Variants in POU3F3 observed in about 807,000 individuals in gnomAD.
POU3F3 encodes the protein POU domain, class 3, transcription factor 3.
Under a neutral mutation model 8.6 loss-of-function variants are expected in POU3F3, and 1 was observed. The observed-to-expected ratio is 0.12, with a 90% CI of 0.04 to 0.55. The LOEUF is 0.55. Ranked by LOEUF, POU3F3 falls within the 20% of genes least tolerant of loss-of-function variation. The probability of loss-of-function intolerance (pLI) is 0.91; values close to 1 mark genes in which losing one functional copy is unlikely to be tolerated. For missense variants in POU3F3, 577 were observed against 690.7 expected (o/e 0.84, Z 1.84); for synonymous variants, 418 against 327.4 (o/e 1.28, Z -2.99).
At chr2:104,915,852 C>A in the POU3F3 span, among the ~76,000 whole-genome samples, 4 of 151,984 alleles carry the variant, frequency 2.6e-5, no homozygotes, top group Non-Finnish European at 5.9e-5. Context: ...TAACTCATCA[C>A]CCCTGAGGTA....
the POU3F3 span, among the ~76,000 whole-genome samples, chr2:104,879,448 G>A: frequency 4.6e-5 from 7 of 151,954 alleles, no homozygotes; most frequent in East Asian, 1.4e-3. Flanking sequence ...TATTTTCTTT[G>A]TACTTATTTT....
downstream of POU3F3, among the ~76,000 whole-genome samples, chr2:104,860,752 CTTTTTTT>C (rs1178339577): frequency 8.0e-5 from 4 of 50,244 alleles, no homozygotes; most frequent in Non-Finnish European, 1.4e-4. Context: ...GTTGCTCTGC[CTTTTTTT>C]TTTTTTTTTT....
At chr2:104,905,594 A>G in the POU3F3 span, among the ~76,000 whole-genome samples, 1 of 152,204 alleles carries the variant, frequency 6.6e-6, no homozygotes, top group Non-Finnish European at 1.5e-5. Context: ...AGAAGTTCAA[A>G]ATCAAGGTGT....
the POU3F3 span, among the ~76,000 whole-genome samples, chr2:104,869,528 T>C: frequency 2.6e-5 from 4 of 152,146 alleles, no homozygotes; most frequent in African/African-American, 9.7e-5. Context: ...AGGAGACAAA[T>C]AGCTTCTGGT....
At chr2:104,853,763 C>T (rs1254871691), upstream of POU3F3, 1 of 152,252 alleles carries the variant, frequency 6.6e-6, no homozygotes, top group Non-Finnish European at 1.5e-5. Flanking sequence ...CCTTTCTTCC[C>T]CCCGCCCAGA....
chr2:104,861,135 A>C (rs1270876239), downstream of POU3F3, among the ~76,000 whole-genome samples: 45 of 152,344 alleles, frequency 3.0e-4, no homozygotes, highest in Non-Finnish European at 7.3e-5. Flanking sequence ...TAAATCAAAA[A>C]TGATACTTTT....
the POU3F3 span, among the ~76,000 whole-genome samples, chr2:104,896,549 T>C: frequency 1.3e-5 from 2 of 152,246 alleles, no homozygotes; most frequent in African/African-American, 4.8e-5. Flanking sequence ...TAAGTAGGTT[T>C]TTAAAATCCC....
Position 104,855,758 on chromosome 2 carries a change from C to G in POU3F3, c.248C>G (p.Ala83Gly). 1 of 1,325,118 alleles carries G rather than the reference C, an allele frequency of 7.5e-7. No homozygotes were observed. Among genetic ancestry groups the G allele is most frequent in the Middle Eastern group, 2.4e-4 (1 of 4,226 alleles). 82.1% of individuals were successfully genotyped at this position (1,325,118 alleles called of 1,614,324 possible). The change falls in exon 1 of 1, where the codon GCC (alanine) becomes GGC (glycine). Residue 83 changes from alanine to glycine, a missense_variant. Around this residue, in one of 7 missense-constraint regions of POU3F3, gnomAD observed 484 missense variants for 422.6 expected, o/e 1.15. Coordinates refer to ENST00000361360, the MANE Select transcript of POU3F3 (RefSeq NM_006236.3). ...AGCGACTTCATGCAGGGGGCCATGG[C>G]CGCCAGCAACGGCGGCCATATGCTG... is the stretch of plus-strand genomic sequence containing the variant. ...VQSDFMQGAM[A>G]ASNGGHMLSH... is the part of the protein sequence containing the mutation.
At position 104,855,420 on chromosome 2, in the gene POU3F3, CGCGGCGGCGGCG is replaced by C. The variant is rs1184145745; in HGVS notation, c.-76_-65del. 3.8e-5 allele frequency: 19 copies of C among 495,602 alleles called. No individual in the cohort carries two copies. Among genetic ancestry groups the C allele is most frequent in the African/African-American group, 7.1e-5 (2 of 28,150 alleles). The allele number at this position is 495,602 out of a possible 1,614,324, so 30.7% of individuals were successfully genotyped here. A position where few individuals can be genotyped will look rare whatever the true frequency, so the allele number is the denominator to read the frequency against. ...GGGGGAGGAGGCGGGAGGCGGGGGG[CGCGGCGGCGGCG>C]GCGGCGGCGGCGGCCGCGGCTGCTG... is the stretch of plus-strand genomic sequence containing the variant. On this transcript the variant is annotated 5_prime_UTR_variant, in exon 1 of 1. Transcript: ENST00000361360.
the POU3F3 span, among the ~76,000 whole-genome samples, chr2:104,909,812 G>A: frequency 6.6e-6 from 1 of 152,122 alleles, no homozygotes; most frequent in Non-Finnish European, 1.5e-5. Flanking sequence ...CATTAATAAG[G>A]GGGAAAAAGC....
chr2:104,859,195 C>T (rs956777012), downstream of POU3F3, among the ~76,000 whole-genome samples: 11 of 152,142 alleles, frequency 7.2e-5, no homozygotes, highest in African/African-American at 2.7e-4. Flanking sequence ...GTCCACACTG[C>T]ATACCATCTG....
the POU3F3 span, among the ~76,000 whole-genome samples, chr2:104,879,176 T>C: frequency 6.6e-6 from 1 of 151,766 alleles, no homozygotes. Context: ...ACACAACACA[T>C]GCATACAACG....
chr2:104,918,891 T>TC, the POU3F3 span, among the ~76,000 whole-genome samples: 1 of 151,650 alleles, frequency 6.6e-6, no homozygotes, highest in East Asian at 1.9e-4. Flanking sequence ...TTTTTTTTTT[T>TC]TTTTGAGATG....
the POU3F3 span, among the ~76,000 whole-genome samples, chr2:104,870,501 T>C: frequency 1.3e-5 from 2 of 152,242 alleles, no homozygotes; most frequent in Non-Finnish European, 2.9e-5. Flanking sequence ...TGTAGGCTTC[T>C]ACCTAGGAGG....
chr2:104,868,429 A>C, the POU3F3 span: 1 of 448,252 alleles, frequency 2.2e-6, no homozygotes, highest in Non-Finnish European at 4.5e-6. Context: ...AAATATAGTC[A>C]GTGACTGTTC....
chr2:104,900,058 A>C, the POU3F3 span, among the ~76,000 whole-genome samples: 37 of 152,352 alleles, frequency 2.4e-4, no homozygotes, highest in Admixed American at 2.3e-3. Flanking sequence ...GATGTCAGAT[A>C]GTTTGTCTAC....
chr2:104,901,541 T>A, the POU3F3 span, among the ~76,000 whole-genome samples: 9 of 152,206 alleles, frequency 5.9e-5, no homozygotes, highest in Non-Finnish European at 1.3e-4. Context: ...ATGTCACCAT[T>A]GCCCTAGTGT....
At chr2:104,890,899 C>CG in the POU3F3 span, among the ~76,000 whole-genome samples, 1 of 152,158 alleles carries the variant, frequency 6.6e-6, no homozygotes, top group Admixed American at 6.5e-5. Flanking sequence ...GGGATGACTA[C>CG]GGGAACCCTA....
the POU3F3 span, among the ~76,000 whole-genome samples, chr2:104,869,067 T>A: frequency 2.6e-5 from 4 of 151,986 alleles, no homozygotes; most frequent in African/African-American, 4.8e-5. Flanking sequence ...CACCTAGGGG[T>A]TCAAAAACCT....
Sources: gnomAD v4.1 joint callset for allele counts (sites outside exome capture counted in the v4.1 genomes callset) on GRCh38, gnomAD v4.1.1 for gene constraint, gnomAD v4.1.1 regional missense constraint, MANE v1.5 for transcripts, NCBI Gene and HGNC (gene_info 2026-07-23, HGNC 2026-07-21) for gene names.